Variants in ACTN1 observed in about 807,000 individuals in gnomAD.
The protein encoded by ACTN1 is actinin alpha 1.
ACTN1 carries 30 observed loss-of-function variants against 119.6 expected under a neutral mutation model. The observed-to-expected ratio is 0.25, with a 90% confidence interval of 0.19 to 0.34. The LOEUF (loss-of-function observed/expected upper bound fraction) is 0.34, where lower values mean the gene tolerates loss of function less well. Among genes scored for constraint, ACTN1 ranks in the 10% least tolerant of loss-of-function variants. The pLI, the probability that ACTN1 is intolerant of heterozygous loss-of-function variation, is 1.00. For missense variants in ACTN1, 764 were observed against 1,223.4 expected, an observed-to-expected ratio of 0.62 and a Z score of 5.60; for synonymous variants, 429 against 472.6, an observed-to-expected ratio of 0.91 and a Z score of 1.20.
At chr14:68,902,665 C>A in intron 7 of ACTN1, 103 bp from the exon 8 acceptor site, 3 of 953,068 alleles carry the variant, frequency 3.1e-6, no homozygotes, top group Non-Finnish European at 4.9e-6. Flanking sequence ...GTCTTCTTGC[C>A]AAAATGTGGA....
chr14:68,908,298 G>A (rs1438921407), intron 6 of ACTN1, among the ~76,000 whole-genome samples: 1 of 152,146 alleles, frequency 6.6e-6, no homozygotes, highest in East Asian at 1.9e-4. Context: ...CAAAGGGCCT[G>A]CCACCACCAT....
rs2033545341 is a variant in ACTN1 at position 68,904,518 on chromosome 14, C to T, written c.676+137G>A. 4 of 667,336 alleles carry T rather than the reference C, an allele frequency of 6.0e-6. 1 individual carries two copies. Among genetic ancestry groups the T allele is most frequent in the Admixed American group, 2.6e-5 (1 of 38,200 alleles). 41.3% of individuals were successfully genotyped at this position (667,336 alleles called of 1,614,324 possible). On this transcript the variant is annotated intron_variant, in intron 7 of 21. Transcript: ENST00000394419. ...GAAGAATCCCCAAGAGGCTGTGATC[C>T]CCATGCTCCTCAAATGCGGTCCCAG...
intron 1 of ACTN1, among the ~76,000 whole-genome samples, chr14:68,959,928 C>T (rs997584703): frequency 2.6e-5 from 4 of 152,214 alleles, no homozygotes; most frequent in Non-Finnish European, 2.9e-5. Flanking sequence ...TTACCTATAA[C>T]ATAAACATTT....
rs543777679 is a variant in ACTN1 at position 68,885,583 on chromosome 14, G to A, written c.1235-8C>T. 6.2e-7 allele frequency: 1 copy of A among 1,611,788 alleles called. No individual in the cohort carries two copies. Among genetic ancestry groups the A allele is most frequent in the East Asian group, 2.2e-5 (1 of 44,868 alleles). Reference sequence around the variant, plus strand: ...GCAGCATGGCCTCTTTGCCTGGGTTGAGAGAGGGCCACATGGCTGAGCTGG... The same window carrying A: ...GCAGCATGGCCTCTTTGCCTGGGTTAAGAGAGGGCCACATGGCTGAGCTGG... On this transcript the variant is annotated splice_region_variant and splice_polypyrimidine_tract_variant and intron_variant, in intron 11 of 21. Transcript: ENST00000394419. The surrounding 1 kb of genome is among the most constrained non-coding windows in gnomAD (Gnocchi z 5.6).
intron 2 of ACTN1, among the ~76,000 whole-genome samples, chr14:68,923,767 A>C (rs1432724541): frequency 6.6e-6 from 1 of 152,246 alleles, no homozygotes; most frequent in Admixed American, 6.5e-5. Context: ...ATACAAAAAA[A>C]GAACTGAAAG....
intron 6 of ACTN1, among the ~76,000 whole-genome samples, chr14:68,907,823 G>A (rs1441995881): frequency 3.3e-5 from 5 of 152,092 alleles, no homozygotes; most frequent in Non-Finnish European, 7.4e-5. Flanking sequence ...AGCTGTGGAT[G>A]AACTGGCCAC....
intron 1 of ACTN1, among the ~76,000 whole-genome samples, chr14:68,970,579 A>G (rs1291116462): frequency 6.6e-6 from 1 of 152,208 alleles, no homozygotes; most frequent in Non-Finnish European, 1.5e-5. Flanking sequence ...GAACCAAAAC[A>G]AGAGAGAAGG....
chr14:68,940,617 T>C (rs1399027781), intron 1 of ACTN1, among the ~76,000 whole-genome samples: 3 of 151,250 alleles, frequency 2.0e-5, no homozygotes, highest in Non-Finnish European at 2.9e-5. Context: ...GGCAGGAGGA[T>C]TGCCTGAGGC....
chr14:68,892,790 G>A (rs975728300), intron 9 of ACTN1, among the ~76,000 whole-genome samples: 1 of 152,208 alleles, frequency 6.6e-6, no homozygotes, highest in Non-Finnish European at 1.5e-5. Flanking sequence ...AAGCAGGCAC[G>A]GCCTGGACTG....
chr14:68,940,677 T>TA lies in ACTN1; in HGVS notation c.106-15006dup, dbSNP rs56676308. ...AACATAGCAAGACCCTGTCTCTACTTAAAAAAAAAAAAAAAAAATTAGCTT... is the reference window on the plus strand; with the variant it reads ...AACATAGCAAGACCCTGTCTCTACTTAAAAAAAAAAAAAAAAAAATTAGCTT... On this transcript the variant is annotated intron_variant, in intron 1 of 21. Transcript: ENST00000394419. 5.8e-3 allele frequency among the ~76,000 whole-genome samples: 804 copies of TA among 138,314 alleles called. 5 individuals carry two copies. The highest frequency in any genetic ancestry group is 0.012 in the African/African-American group (466 of 37,590). The allele number at this position is 138,314 out of a possible 152,430, so 90.7% of individuals were successfully genotyped here.
rs1212767619 is a variant in ACTN1 at position 68,879,642 on chromosome 14, G to A, written c.2280+320C>T. 6.6e-6 allele frequency among the ~76,000 whole-genome samples: 1 copy of A among 152,136 alleles called. No homozygotes were observed. Among genetic ancestry groups the A allele is most frequent in the Non-Finnish European group, 1.5e-5 (1 of 67,996 alleles). On this transcript the variant is annotated intron_variant, in intron 18 of 21. Coordinates refer to ENST00000394419, the MANE Select transcript of ACTN1 (RefSeq NM_001130004.2). This position sits in a 1 kb window ranked among gnomAD's most constrained non-coding sequence, Gnocchi z 4.9. Reference sequence around the variant, plus strand: ...CAGGAGGAGTCTCTTCTGCTCCTCTGTCTCCACAGCCAGGGAGCAGCAAGC... The same window carrying A: ...CAGGAGGAGTCTCTTCTGCTCCTCTATCTCCACAGCCAGGGAGCAGCAAGC...
chr14:68,954,066 A>G (rs993013196), intron 1 of ACTN1, among the ~76,000 whole-genome samples: 6 of 152,132 alleles, frequency 3.9e-5, no homozygotes, highest in Non-Finnish European at 7.3e-5. Context: ...TATTTACACT[A>G]CTTACTACAC....
intron 3 of ACTN1, among the ~76,000 whole-genome samples, chr14:68,920,589 T>C (rs936233154): frequency 6.6e-6 from 1 of 152,160 alleles, no homozygotes; most frequent in African/African-American, 2.4e-5. Flanking sequence ...GGGACTTCAG[T>C]CTTCCCAGGG....
intron 11 of ACTN1, chr14:68,888,034 G>T: frequency 1.4e-6 from 1 of 734,442 alleles, no homozygotes; most frequent in Non-Finnish European, 2.6e-6. Flanking sequence ...ATCTCCTCTT[G>T]GGCTTTTCCT....
chr14:68,967,663 G>A (rs1425973489), intron 1 of ACTN1, among the ~76,000 whole-genome samples: 1 of 152,230 alleles, frequency 6.6e-6, no homozygotes, highest in Admixed American at 6.5e-5. Flanking sequence ...GGTACTAACT[G>A]GGCAAGGCAA....
chr14:68,875,088 G>A (rs746348933), intron 21 of ACTN1, 71 bp from the exon 22 acceptor site: 12 of 1,591,402 alleles, frequency 7.5e-6, no homozygotes, highest in South Asian at 2.2e-5. Flanking sequence ...CGACACAGCC[G>A]CAAAGCCTGG....
Position 68,879,949 on chromosome 14 carries a change from A to T in ACTN1, c.2280+13T>A. 6.2e-7 allele frequency: 1 copy of T among 1,613,648 alleles called. No homozygotes were observed. The highest frequency in any genetic ancestry group is 1.1e-5 in the South Asian group (1 of 91,056). On this transcript the variant is annotated intron_variant, in intron 18 of 21. Transcript: ENST00000394419. The surrounding 1 kb of genome is among the most constrained non-coding windows in gnomAD (Gnocchi z 4.9). ...GGGGGCTGCACTAAGAAAGCACAGG[A>T]TGGGGCTCTCACCCGGTCAAAGTGG...
Position 68,882,891 on chromosome 14 carries a change from G to T in ACTN1, c.1800C>A (p.Ile600=). The T allele has an allele frequency of 6.2e-7, 1 of 1,614,158 alleles. No individual in the cohort carries two copies. Among genetic ancestry groups the T allele is most frequent in the Non-Finnish European group, 8.5e-7 (1 of 1,180,014 alleles). Reference sequence around the variant, plus strand: ...AACTCACGTGGTCCCATTTGCCATTGATCTCCTGAGGCGTGATGGTTGTGT... The same window carrying T: ...AACTCACGTGGTCCCATTTGCCATTTATCTCCTGAGGCGTGATGGTTGTGT... ...NPYTTITPQE[I]NGKWDHVRQL... The change falls in exon 15 of 22, where the codon ATC becomes ATA. Residue 600 remains isoleucine (I), a synonymous_variant. Transcript: ENST00000394419. This position sits in a 1 kb window ranked among gnomAD's most constrained non-coding sequence, Gnocchi z 4.5.
chr14:68,876,959 G>C (rs1185135757), intron 21 of ACTN1, 123 bp downstream of exon 21: 1 of 1,187,884 alleles, frequency 8.4e-7, no homozygotes, highest in Admixed American at 2.6e-5. Flanking sequence ...CAAACAAGGA[G>C]AGGCCAAAGG....
Sources: gnomAD v4.1 joint callset for allele counts (sites outside exome capture counted in the v4.1 genomes callset) on GRCh38, gnomAD v4.1.1 for gene constraint, Gnocchi (gnomAD v3.1) non-coding constraint, MANE v1.5 for transcripts, NCBI Gene and HGNC (gene_info 2026-07-23, HGNC 2026-07-21) for gene names.